Variants in ZNF407 observed in about 807,000 individuals in gnomAD.
ZNF407 encodes the protein zinc finger protein 407.
Under a neutral mutation model 131.2 loss-of-function variants are expected in ZNF407, and 17 were observed. The observed-to-expected ratio is 0.13, with a 90% CI of 0.09 to 0.19. The LOEUF is 0.19. ZNF407 is among the 10% of genes least tolerant of loss of function. The probability of loss-of-function intolerance (pLI) is 1.00; values close to 1 mark genes in which losing one functional copy is unlikely to be tolerated. For missense variants in ZNF407, 2,681 were observed against 2,830.6 expected, an observed-to-expected ratio of 0.95 and a Z score of 1.20; for synonymous variants, 1,156 against 1,062.0, an observed-to-expected ratio of 1.09 and a Z score of -1.72.
In ZNF407 at chr18:74,630,954, G is replaced by A. The variant is rs1411976713; in HGVS notation, c.-53-13G>A. 1.3e-6 allele frequency: 2 copies of A among 1,496,602 alleles called. No individual in the cohort carries two copies. Among genetic ancestry groups the A allele is most frequent in the Non-Finnish European group, 1.8e-6 (2 of 1,129,746 alleles). 92.7% of individuals were successfully genotyped at this position (1,496,602 alleles called of 1,614,324 possible). A position where few individuals can be genotyped will look rare whatever the true frequency, so the allele number is the denominator to read the frequency against. The stretch of plus-strand genomic sequence containing the variant: ...ATATTCAAGATTTAATACCATGTTT[G>A]TTTACTTCACAGGTTATGAGTGCCA... On this transcript the variant is annotated splice_polypyrimidine_tract_variant and intron_variant, in intron 1 of 8. Coordinates refer to ENST00000299687, the MANE Select transcript of ZNF407 (RefSeq NM_017757.3).
intron 3 of ZNF407, among the ~76,000 whole-genome samples, chr18:74,653,979 C>T (rs1324898537): frequency 6.6e-6 from 1 of 151,664 alleles, no homozygotes; most frequent in Admixed American, 6.6e-5. Context: ...TTAATGAGTG[C>T]TCAATTACAG....
chr18:74,943,407 T>A (rs1023083503), intron 8 of ZNF407, among the ~76,000 whole-genome samples: 2 of 152,208 alleles, frequency 1.3e-5, no homozygotes, highest in African/African-American at 2.4e-5. Flanking sequence ...GTTATTTGTC[T>A]GAATTGCTGC....
At chr18:74,725,437 A>G (rs1167806997) in intron 3 of ZNF407, among the ~76,000 whole-genome samples, 1 of 152,234 alleles carries the variant, frequency 6.6e-6, no homozygotes, top group Non-Finnish European at 1.5e-5. Flanking sequence ...AACTATTTTT[A>G]TGGGAGACGA....
chr18:74,692,793 AGACAG>A (rs1403325601), intron 3 of ZNF407, among the ~76,000 whole-genome samples: 2 of 151,972 alleles, frequency 1.3e-5, no homozygotes, highest in Non-Finnish European at 2.9e-5. Flanking sequence ...TCTCCCCCAG[AGACAG>A]GTGGAGTGGC....
chr18:74,736,054 C>T (rs983959828), intron 3 of ZNF407, among the ~76,000 whole-genome samples: 1 of 152,180 alleles, frequency 6.6e-6, no homozygotes, highest in Non-Finnish European at 1.5e-5. Context: ...GCATGATAGG[C>T]TTCATTAGAA....
intron 8 of ZNF407, among the ~76,000 whole-genome samples, chr18:74,980,195 A>G (rs1484060955): frequency 2.0e-5 from 3 of 152,092 alleles, no homozygotes; most frequent in Admixed American, 6.5e-5. Flanking sequence ...GTAAACGATG[A>G]CATAAAAACT....
intron 7 of ZNF407, among the ~76,000 whole-genome samples, chr18:74,895,060 TCTGCAGTCC>T (rs1321079664): frequency 3.3e-5 from 5 of 152,162 alleles, no homozygotes; most frequent in Non-Finnish European, 5.9e-5. Flanking sequence ...AAGAATAGAA[TCTGCAGTCC>T]CTGCCTCATA....
chr18:74,800,932 G>A (rs576486564), intron 4 of ZNF407, among the ~76,000 whole-genome samples: 2 of 152,090 alleles, frequency 1.3e-5, no homozygotes, highest in East Asian at 1.9e-4. Flanking sequence ...CTCAAACATA[G>A]CTTGTTAACA....
intron 8 of ZNF407, among the ~76,000 whole-genome samples, chr18:74,933,324 A>G (rs927658492): frequency 6.6e-6 from 1 of 152,244 alleles, no homozygotes; most frequent in Admixed American, 6.5e-5. Flanking sequence ...TAATTGCATT[A>G]TAATTCCACT....
chr18:74,682,698 CTG>C (rs1040971932), intron 3 of ZNF407, among the ~76,000 whole-genome samples: 1 of 152,152 alleles, frequency 6.6e-6, no homozygotes, highest in Non-Finnish European at 1.5e-5. Context: ...ATTACAATGG[CTG>C]TGCTGTTTTT....
In ZNF407 at chr18:75,063,746, G is replaced by A. The variant is rs777440656; in HGVS notation, c.6025G>A (p.Glu2009Lys). The change falls in exon 9 of 9, where the codon GAG (glutamate) becomes AAG (lysine). Residue 2009 changes from glutamate (E) to lysine (K), a missense_variant. Physicochemically the swap from Glu to Lys is moderately conservative, Grantham distance 56. Transcript: ENST00000299687. The surrounding 1 kb of genome is among the most constrained non-coding windows in gnomAD (Gnocchi z 6.6). The part of the protein sequence containing the change: ...LGEVEGRAGL[E>K]EQGRPGAKDV... ...GGAGGTGGAGGGCAGGGCTGGGCTC[G>A]AGGAGCAAGGCAGGCCCGGCGCCAA... 3.7e-5 allele frequency: 60 copies of A among 1,611,896 alleles called. No individual in the cohort carries two copies. Among genetic ancestry groups the A allele is most frequent in the African/African-American group, 1.5e-4 (11 of 74,906 alleles).
intron 3 of ZNF407, among the ~76,000 whole-genome samples, chr18:74,779,109 A>ATATATATATATATTTTTTTTTTTT (rs397943457): frequency 1.2e-4 from 3 of 24,376 alleles, no homozygotes; most frequent in Non-Finnish European, 2.2e-4. Context: ...ATATATATAT[A>ATATATATATATATTTTTTTTTTTT]TTTTTTTTTT....
rs77752318 is a variant in ZNF407, at chr18:74,757,002, T to A, written c.4803-24426T>A. On this transcript the variant is annotated intron_variant, in intron 3 of 8. Transcript: ENST00000299687. ...TTCTTTCTTTTTTCTTCTTCATCTG[T>A]TCAGCTAACAGTTTGTCATTTTTGA... 3.6e-4 allele frequency among the ~76,000 whole-genome samples: 55 copies of A among 152,128 alleles called. No homozygotes were observed. The East Asian group carries it at 0.011, about 29-fold the overall frequency.
In ZNF407 at chr18:74,624,035, C is replaced by G. The variant is rs114102782; in HGVS notation, c.-53-6932C>G. On this transcript the variant is annotated intron_variant, in intron 1 of 8. Coordinates refer to ENST00000299687, the MANE Select transcript of ZNF407 (RefSeq NM_017757.3). The stretch of plus-strand genomic sequence containing the variant: ...TGCCAGGTCTTCTCAATCTTGAAAC[C>G]TTACTGTGGGAAGAAATCTGAGGCT... Among the ~76,000 whole-genome samples, 617 of 152,278 alleles carry G rather than the reference C, an allele frequency of 4.1e-3. 1 individual carries two copies. The highest frequency in any genetic ancestry group is 0.014 in the African/African-American group (579 of 41,556).
intron 3 of ZNF407, among the ~76,000 whole-genome samples, chr18:74,763,705 A>ATTTTTTTTTT (rs11340257): frequency 1.4e-5 from 1 of 70,228 alleles, no homozygotes; most frequent in African/African-American, 5.2e-5. Context: ...CTTATCTTTG[A>ATTTTTTTTTT]TTTTTTTTTT....
At chr18:75,009,998 G>A (rs189945901) in intron 8 of ZNF407, among the ~76,000 whole-genome samples, 23 of 152,316 alleles carry the variant, frequency 1.5e-4, no homozygotes, top group Admixed American at 1.1e-3. Context: ...AAATATCTTG[G>A]ATTGGAAAGG....
At position 75,064,130 on chromosome 18, in the gene ZNF407, G is replaced by A. The variant is rs777503545; in HGVS notation, c.6409G>A (p.Glu2137Lys). Residue 2137 changes from glutamate to lysine, a missense_variant, in exon 9 of 9, where the codon GAG becomes AAG. Transcript: ENST00000299687. ...GCAGGGCGAGCACATGGATCTGGTG[G>A]AGTCCGACGGGGAGATCTCGCAGAT... ...EAQGEHMDLVESDGEISQIIV... is the reference protein window; with the variant it reads ...EAQGEHMDLVKSDGEISQIIV... The A allele has an allele frequency of 6.2e-7, 1 of 1,600,082 alleles. No individual in the cohort carries two copies. The highest frequency in any genetic ancestry group is 8.5e-7 in the Non-Finnish European group (1 of 1,173,604).
At chr18:74,734,398 TCAG>T (rs1227717142) in intron 3 of ZNF407, among the ~76,000 whole-genome samples, 1 of 152,210 alleles carries the variant, frequency 6.6e-6, no homozygotes, top group Non-Finnish European at 1.5e-5. Context: ...TTTAGGTATT[TCAG>T]TTTTGTTTTT....
chr18:74,893,133 C>T (rs1045132199), intron 7 of ZNF407, among the ~76,000 whole-genome samples: 10 of 152,060 alleles, frequency 6.6e-5, no homozygotes, highest in African/African-American at 2.2e-4. Context: ...TGTTTAGGAC[C>T]GCATTTGAGC....
Sources: gnomAD v4.1 joint callset for allele counts (sites outside exome capture counted in the v4.1 genomes callset) on GRCh38, gnomAD v4.1.1 for gene constraint, Gnocchi (gnomAD v3.1) non-coding constraint, MANE v1.5 for transcripts, NCBI Gene and HGNC (gene_info 2026-07-23, HGNC 2026-07-21) for gene names.